Variants in ANGPT2 observed in about 807,000 individuals in gnomAD.
ANGPT2 encodes the protein angiopoietin 2.
Under a neutral mutation model 62.9 loss-of-function variants are expected in ANGPT2, and 28 were observed. That is an observed-to-expected ratio of 0.44 (90% CI 0.33 to 0.61). The LOEUF (loss-of-function observed/expected upper bound fraction) is 0.61, where lower values mean the gene tolerates loss of function less well. Ranked by LOEUF, ANGPT2 falls within the 20% of genes least tolerant of loss-of-function variation. The pLI is 0.03. For missense variants in ANGPT2, 727 were observed against 594.9 expected, an observed-to-expected ratio of 1.22 and a Z score of -2.31; for synonymous variants, 284 against 207.8, an observed-to-expected ratio of 1.37 and a Z score of -3.15.
chr8:6,529,693 G>A (rs184953207), intron 2 of ANGPT2, among the ~76,000 whole-genome samples: 39 of 141,606 alleles, frequency 2.8e-4, no homozygotes, highest in African/African-American at 1.0e-3. Flanking sequence ...TCGGACTCCT[G>A]ATCTCAAGCG....
chr8:6,523,612 C>T (rs968638447), intron 3 of ANGPT2, among the ~76,000 whole-genome samples: 4 of 151,550 alleles, frequency 2.6e-5, no homozygotes, highest in South Asian at 2.1e-4. Flanking sequence ...GATGGAGTCT[C>T]GGAGTCTCGC....
chr8:6,537,695 C>T (rs1820763251), intron 1 of ANGPT2, among the ~76,000 whole-genome samples: 1 of 152,020 alleles, frequency 6.6e-6, no homozygotes, highest in South Asian at 2.1e-4. Context: ...AGATTGATTA[C>T]ACATTTAAAA....
chr8:6,503,335 G>C, intron 8 of ANGPT2, 74 bp from the exon 9 acceptor site: 4 of 1,534,852 alleles, frequency 2.6e-6, no homozygotes, highest in Non-Finnish European at 3.6e-6. Flanking sequence ...GCAATACTCA[G>C]CTAAGGCAGG....
chr8:6,540,916 G>A (rs570608779), intron 1 of ANGPT2, among the ~76,000 whole-genome samples: 2 of 152,370 alleles, frequency 1.3e-5, no homozygotes, highest in Admixed American at 6.5e-5. Flanking sequence ...AGGAGCCCTG[G>A]GACAGTGTCT....
intron 1 of ANGPT2, among the ~76,000 whole-genome samples, chr8:6,547,867 G>A (rs898848986): frequency 6.6e-6 from 1 of 151,500 alleles, no homozygotes; most frequent in East Asian, 1.9e-4. Flanking sequence ...GTTTGTTTCA[G>A]TGAGTCATCT....
At chr8:6,509,828 A>G (rs1321356449) in intron 7 of ANGPT2, among the ~76,000 whole-genome samples, 1 of 152,190 alleles carries the variant, frequency 6.6e-6, no homozygotes, top group East Asian at 1.9e-4. Context: ...CCACAGTCAG[A>G]CAGAGCCATT....
intron 3 of ANGPT2, among the ~76,000 whole-genome samples, chr8:6,524,949 A>C (rs2515457): frequency 0.069 from 10,562 of 152,240 alleles, 426 homozygotes; most frequent in African/African-American, 0.1. Context: ...ACAAGGGCAG[A>C]CACCCTGCTG....
At position 6,509,736 on chromosome 8, in the gene ANGPT2, AT is replaced by A. The variant is rs1186938361; in HGVS notation, c.1197-675del. Among the ~76,000 whole-genome samples, 9 of 152,300 alleles carry A rather than the reference AT, an allele frequency of 5.9e-5. No individual in the cohort carries two copies. In the South Asian group the frequency reaches 8.3e-4, roughly 14 times the overall value. On this transcript the variant is annotated intron_variant, in intron 7 of 8. Coordinates refer to ENST00000629816, the MANE Select transcript of ANGPT2 (RefSeq NM_001118887.2). Reference sequence around the variant, plus strand: ...CTGTTGAAAATGTTGTATATTGAAAATGCATGGAATACACCTGACCTTTGGA... The same window carrying A: ...CTGTTGAAAATGTTGTATATTGAAAAGCATGGAATACACCTGACCTTTGGA...
chr8:6,551,497 A>T (rs983359604), intron 1 of ANGPT2, among the ~76,000 whole-genome samples: 1 of 152,196 alleles, frequency 6.6e-6, no homozygotes, highest in African/African-American at 2.4e-5. Context: ...AAAATATGCA[A>T]AATTTCACAT....
At chr8:6,526,580 A>G (rs1483704201) in intron 3 of ANGPT2, among the ~76,000 whole-genome samples, 1 of 152,262 alleles carries the variant, frequency 6.6e-6, no homozygotes, top group East Asian at 1.9e-4. Flanking sequence ...TTTGCTTTTC[A>G]AAACCCTAAA....
rs1458206315 is a variant in ANGPT2 at position 6,500,653 on chromosome 8, G to T, written c.*2448C>A. 2 of 152,108 alleles carry T rather than the reference G, an allele frequency of 1.3e-5. No individual in the cohort carries two copies. Among genetic ancestry groups the T allele is most frequent in the African/African-American group, 4.8e-5 (2 of 41,400 alleles). 9.4% of individuals were successfully genotyped at this position (152,108 alleles called of 1,614,324 possible). On this transcript the variant is annotated 3_prime_UTR_variant, in exon 9 of 9. Transcript: ENST00000629816. The stretch of plus-strand genomic sequence containing the variant: ...CTGTAGTTATCTAGGTTGTTGGGTT[G>T]TTTTGTTTTCATTTTTAAGATTACT...
At chr8:6,512,403 T>C (rs1322432665) in intron 7 of ANGPT2, among the ~76,000 whole-genome samples, 3 of 152,198 alleles carry the variant, frequency 2.0e-5, no homozygotes, top group Non-Finnish European at 4.4e-5. Flanking sequence ...ATTAATGAGA[T>C]GAAGACGAGA....
At chr8:6,531,801 TA>T (rs5889176) in intron 2 of ANGPT2, among the ~76,000 whole-genome samples, 102,954 of 151,902 alleles carry the variant, frequency 0.68, 35,130 homozygotes, top group Non-Finnish European at 0.72. Context: ...TGCTCGGGCG[TA>T]GCACCATCTT....
At chr8:6,559,228 A>AC in intron 1 of ANGPT2, among the ~76,000 whole-genome samples, 1 of 23,630 alleles carries the variant, frequency 4.2e-5, no homozygotes, top group Non-Finnish European at 1.0e-4. Flanking sequence ...GCCACACACG[A>AC]CAACACACAC....
chr8:6,524,558 C>T (rs540080667), intron 3 of ANGPT2, among the ~76,000 whole-genome samples: 9 of 152,308 alleles, frequency 5.9e-5, no homozygotes, highest in Admixed American at 3.3e-4. Flanking sequence ...GTTCAGATCA[C>T]GTCTTACCTT....
At chr8:6,560,906 TTA>T (rs568771085) in intron 1 of ANGPT2, among the ~76,000 whole-genome samples, 2 of 152,234 alleles carry the variant, frequency 1.3e-5, no homozygotes, top group Non-Finnish European at 2.9e-5. Context: ...TAGCATTCTT[TTA>T]TGTTTCCTGG....
chr8:6,548,043 A>G (rs1822926489), intron 1 of ANGPT2, among the ~76,000 whole-genome samples: 1 of 152,152 alleles, frequency 6.6e-6, no homozygotes, highest in Admixed American at 6.5e-5. Context: ...TCCAAGTGCC[A>G]GCTTAAACTT....
intron 1 of ANGPT2, among the ~76,000 whole-genome samples, chr8:6,541,691 T>G (rs1045104263): frequency 3.9e-5 from 6 of 152,168 alleles, no homozygotes; most frequent in African/African-American, 1.4e-4. Flanking sequence ...AATATAAAAC[T>G]ATTTTCTTTT....
intron 5 of ANGPT2, among the ~76,000 whole-genome samples, chr8:6,518,421 T>C (rs946595282): frequency 6.6e-6 from 1 of 152,222 alleles, no homozygotes; most frequent in African/African-American, 2.4e-5. Flanking sequence ...TTCCCTGTTG[T>C]ATGGCTTCTA....
Sources: gnomAD v4.1 joint callset for allele counts (sites outside exome capture counted in the v4.1 genomes callset) on GRCh38, gnomAD v4.1.1 for gene constraint, MANE v1.5 for transcripts, NCBI Gene and HGNC (gene_info 2026-07-23, HGNC 2026-07-21) for gene names.